The following CADM1 variants were observed in gnomAD, a reference collection of about 807,000 sequenced individuals.
The protein encoded by CADM1 is cell adhesion molecule 1, also known as TSLC-1.
A neutral mutation model predicts 53.1 loss-of-function variants in CADM1; 15 were observed. The observed-to-expected ratio is 0.28, with a 90% CI of 0.19 to 0.44. The LOEUF is 0.44. CADM1 is among the 20% of genes least tolerant of loss of function. The pLI, the probability that CADM1 is intolerant of heterozygous loss-of-function variation, is 1.00. For synonymous variants in CADM1, 281 were observed against 243.0 expected, an observed-to-expected ratio of 1.16 and a Z score of -1.45; for missense variants, 434 against 611.3, an observed-to-expected ratio of 0.71 and a Z score of 3.06.
At chr11:115,341,691 A>C (rs1945451900) in intron 1 of CADM1, among the ~76,000 whole-genome samples, 1 of 152,212 alleles carries the variant, frequency 6.6e-6, no homozygotes, top group African/African-American at 2.4e-5. Flanking sequence ...AGCAGCTCAC[A>C]GCATTGGTTC....
intron 1 of CADM1, among the ~76,000 whole-genome samples, chr11:115,254,595 G>C (rs200767223): frequency 0.037 from 4,399 of 117,780 alleles, 70 homozygotes; most frequent in South Asian, 0.12. Context: ...CACACACACA[G>C]AGACAACAAA....
In CADM1 at chr11:115,269,955, T is replaced by C. The variant is rs544128294; in HGVS notation, c.125-29535A>G. Among the ~76,000 whole-genome samples, 8 of 152,316 alleles carry C rather than the reference T, an allele frequency of 5.3e-5. No homozygotes were observed. The East Asian group carries it at 7.7e-4, about 15-fold the overall frequency. ...AATAGGTCATTTGTCAAGCGGTTAT[T>C]TACTGAATTTTTCCTGCTGGAAATT... is the stretch of plus-strand genomic sequence containing the variant. On this transcript the variant is annotated intron_variant, in intron 1 of 11. Transcript: ENST00000331581.
At chr11:115,316,119 C>T (rs569811602) in intron 1 of CADM1, among the ~76,000 whole-genome samples, 2 of 152,300 alleles carry the variant, frequency 1.3e-5, no homozygotes, top group African/African-American at 2.4e-5. Context: ...AGGATTTTGT[C>T]ATTTACTGGA....
intron 1 of CADM1, among the ~76,000 whole-genome samples, chr11:115,492,956 C>T (rs1949531551): frequency 6.6e-6 from 1 of 151,478 alleles, no homozygotes; most frequent in South Asian, 2.1e-4. Context: ...CACACACACA[C>T]ACACACCCTT....
At chr11:115,427,484 G>A (rs560188850) in intron 1 of CADM1, among the ~76,000 whole-genome samples, 18 of 152,232 alleles carry the variant, frequency 1.2e-4, no homozygotes, top group African/African-American at 4.3e-4. Flanking sequence ...TTACGTTTAT[G>A]CCTCTATCTA....
intron 1 of CADM1, among the ~76,000 whole-genome samples, chr11:115,342,493 A>G (rs1243822730): frequency 6.6e-6 from 1 of 152,210 alleles, no homozygotes; most frequent in African/African-American, 2.4e-5. Context: ...CTAAGTCTCC[A>G]AAGTCAAGGG....
intron 1 of CADM1, among the ~76,000 whole-genome samples, chr11:115,398,429 A>G (rs1947057668): frequency 6.6e-6 from 1 of 152,100 alleles, no homozygotes; most frequent in Admixed American, 6.6e-5. Context: ...CCATGCCTGA[A>G]TCTCCCCCTG....
intron 1 of CADM1, among the ~76,000 whole-genome samples, chr11:115,458,924 C>A (rs1481048444): frequency 1.3e-5 from 2 of 152,062 alleles, no homozygotes; most frequent in African/African-American, 4.8e-5. Context: ...AGAGTAGATA[C>A]CCCTTTTCAC....
chr11:115,241,857 A>T (rs1371745515), intron 1 of CADM1, among the ~76,000 whole-genome samples: 1 of 152,218 alleles, frequency 6.6e-6, no homozygotes, highest in Non-Finnish European at 1.5e-5. Flanking sequence ...ATAAAGAAAC[A>T]AAGGTCAAAG....
intron 1 of CADM1, among the ~76,000 whole-genome samples, chr11:115,291,906 G>C (rs889092054): frequency 4.6e-5 from 7 of 152,098 alleles, no homozygotes; most frequent in African/African-American, 1.7e-4. Context: ...AATTCAGCTG[G>C]GAAAATAATT....
At chr11:115,497,980 A>G (rs1949657797) in intron 1 of CADM1, among the ~76,000 whole-genome samples, 1 of 152,076 alleles carries the variant, frequency 6.6e-6, no homozygotes, top group South Asian at 2.1e-4. Context: ...AGCCTCAAAA[A>G]AAAAAAAAAA....
chr11:115,390,030 G>C (rs1946795561), intron 1 of CADM1, among the ~76,000 whole-genome samples: 1 of 152,072 alleles, frequency 6.6e-6, no homozygotes, highest in Non-Finnish European at 1.5e-5. Flanking sequence ...TACTTATTTA[G>C]AGTTGTGCAT....
At chr11:115,365,927 T>G (rs1946144801) in intron 1 of CADM1, among the ~76,000 whole-genome samples, 1 of 152,170 alleles carries the variant, frequency 6.6e-6, no homozygotes, top group Admixed American at 6.5e-5. Context: ...CGGTCACAAT[T>G]AACACTGGGG....
intron 1 of CADM1, among the ~76,000 whole-genome samples, chr11:115,437,724 T>C (rs1479987107): frequency 6.6e-6 from 1 of 152,212 alleles, no homozygotes; most frequent in Non-Finnish European, 1.5e-5. Flanking sequence ...ACATGCTTCT[T>C]GCTGGTTTGC....
intron 1 of CADM1, among the ~76,000 whole-genome samples, chr11:115,478,745 C>T (rs1193041485): frequency 6.6e-6 from 1 of 152,112 alleles, no homozygotes; most frequent in Non-Finnish European, 1.5e-5. Flanking sequence ...AGATAGTATG[C>T]ATTATAGATT....
chr11:115,474,120 C>T (rs1396932178), intron 1 of CADM1, among the ~76,000 whole-genome samples: 3 of 151,370 alleles, frequency 2.0e-5, no homozygotes, highest in Admixed American at 6.6e-5. Flanking sequence ...TGGTAAAACC[C>T]GGTCTCTACT....
intron 1 of CADM1, among the ~76,000 whole-genome samples, chr11:115,247,747 T>C (rs1015805964): frequency 1.1e-4 from 17 of 152,314 alleles, no homozygotes; most frequent in Admixed American, 1.0e-3. Context: ...TGAAATTCCT[T>C]TGGGGAGAGG....
chr11:115,214,639 T>C lies in CADM1; in HGVS notation c.963A>G (p.Lys321=), dbSNP rs532788905. 2 of 1,614,086 alleles carry C rather than the reference T, an allele frequency of 1.2e-6. No homozygotes were observed. The highest frequency in any genetic ancestry group is 2.2e-5 in the East Asian group (1 of 44,870). Reference sequence around the variant, plus strand: ...CATACAGCATATAATCCGAGTGAGCTTTCCCCACTATGTTTGAAGCTTCAC... The same window carrying C: ...CATACAGCATATAATCCGAGTGAGCCTTCCCCACTATGTTTGAAGCTTCAC... The part of the protein sequence containing the change: ...YRCEASNIVG[K]AHSDYMLYVY... The change falls in exon 7 of 12, where the codon AAA becomes AAG. Residue 321 remains lysine, a synonymous_variant. Coordinates refer to ENST00000331581, the MANE Select transcript of CADM1 (RefSeq NM_001301043.2).
At chr11:115,361,416 C>A (rs1299713657) in intron 1 of CADM1, among the ~76,000 whole-genome samples, 4 of 152,190 alleles carry the variant, frequency 2.6e-5, no homozygotes, top group Admixed American at 1.3e-4. Flanking sequence ...CTATCCAGCT[C>A]TCACTTGAAA....
Sources: gnomAD v4.1 joint callset for allele counts (sites outside exome capture counted in the v4.1 genomes callset) on GRCh38, gnomAD v4.1.1 for gene constraint, MANE v1.5 for transcripts, NCBI Gene and HGNC (gene_info 2026-07-23, HGNC 2026-07-21) for gene names.